Variants in GABARAPL1 observed in about 807,000 individuals in gnomAD.
GABARAPL1 encodes gamma-aminobutyric acid receptor-associated protein-like 1.
In GABARAPL1, 4 loss-of-function variants were observed where a neutral mutation model predicts 14.5. The observed-to-expected ratio is 0.28, with a 90% CI of 0.14 to 0.63. The LOEUF (loss-of-function observed/expected upper bound fraction) is 0.63. GABARAPL1 is among the 30% of genes least tolerant of loss of function. The pLI is 0.84. For missense variants in GABARAPL1, 82 were observed against 139.2 expected (o/e 0.59, Z 2.07); for synonymous variants, 47 against 50.6 (o/e 0.93, Z 0.30).
intron 1 of GABARAPL1, among the ~76,000 whole-genome samples, chr12:10,216,541 T>C (rs568540982): frequency 1.6e-4 from 23 of 146,842 alleles, no homozygotes; most frequent in Admixed American, 4.7e-4. Context: ...TCTTTTCTTT[T>C]TTTTTTTTTT....
rs1223382151 is a variant in GABARAPL1, at chr12:10,213,097, C to T, written c.-33C>T. 2.9e-6 allele frequency: 4 copies of T among 1,398,882 alleles called. No homozygotes were observed. In the African/African-American group the frequency reaches 4.2e-5, roughly 15 times the overall value. 86.7% of individuals were successfully genotyped at this position (1,398,882 alleles called of 1,614,324 possible). ...GGTCAGCGGCGAAGGAGGCAGGCCC[C>T]GCGCGGGGATCTCGGAAGCCCTGCG... On this transcript the variant is annotated 5_prime_UTR_variant, in exon 1 of 4. Coordinates refer to ENST00000266458, the MANE Select transcript of GABARAPL1 (RefSeq NM_031412.4).
intron 2 of GABARAPL1, among the ~76,000 whole-genome samples, chr12:10,220,014 G>C (rs184262678): frequency 6.6e-6 from 1 of 152,296 alleles, no homozygotes; most frequent in Admixed American, 6.5e-5. Context: ...ACTGTGCTAA[G>C]ATGACCAGAG....
intron 1 of GABARAPL1, among the ~76,000 whole-genome samples, chr12:10,215,391 A>T (rs1305715668): frequency 1.3e-5 from 2 of 152,222 alleles, no homozygotes; most frequent in East Asian, 3.8e-4. Flanking sequence ...AAGATACAAC[A>T]TATCAAAAAA....
In GABARAPL1 at chr12:10,221,271, T is replaced by C. The variant is rs78955749; in HGVS notation, c.289-516T>C. 4.9e-5 allele frequency: 48 copies of C among 971,978 alleles called. 2 individuals carry two copies. The East Asian group carries it at 2.7e-3, about 56-fold the overall frequency. 60.2% of individuals were successfully genotyped at this position (971,978 alleles called of 1,614,324 possible). On this transcript the variant is annotated intron_variant, in intron 3 of 3. Transcript: ENST00000266458. ...GAGGAATAATTTTTATGTGATGTGG[T>C]TTAATTGGAAGTGTCAGAATCTGAG...
In GABARAPL1 at chr12:10,221,908, T is replaced by C; in HGVS notation, c.*56T>C. 1 of 1,529,538 alleles carries C rather than the reference T, an allele frequency of 6.5e-7. No homozygotes were observed. 94.7% of individuals were successfully genotyped at this position (1,529,538 alleles called of 1,614,324 possible). A position where few individuals can be genotyped will look rare whatever the true frequency, so the allele number is the denominator to read the frequency against. ...TGGACTTGGGGGTAGGGGAGGGGTG[T>C]GTGTGCGCGACATGGGGAAAGAGGG... On this transcript the variant is annotated 3_prime_UTR_variant, in exon 4 of 4. Coordinates refer to ENST00000266458, the MANE Select transcript of GABARAPL1 (RefSeq NM_031412.4).
At chr12:10,217,076 G>C (rs1242318595) in intron 1 of GABARAPL1, among the ~76,000 whole-genome samples, 3 of 151,984 alleles carry the variant, frequency 2.0e-5, no homozygotes, top group Non-Finnish European at 4.4e-5. Context: ...TTTTCTGTTT[G>C]GGAAGTTTTA....
chr12:10,213,761 G>A (rs1003029695), intron 1 of GABARAPL1: 2 of 441,148 alleles, frequency 4.5e-6, no homozygotes, highest in African/African-American at 2.0e-5. Flanking sequence ...GGGGTTAGGG[G>A]AGCACAAGAC....
chr12:10,220,599 C>T, intron 3 of GABARAPL1, 41 bp downstream of exon 3: 1 of 1,613,520 alleles, frequency 6.2e-7, no homozygotes, highest in Non-Finnish European at 8.5e-7. Flanking sequence ...CCGTCCAGTG[C>T]AGTCTGGCAT....
chr12:10,221,763 C>G, intron 3 of GABARAPL1, 24 bp from the exon 4 acceptor site: 2 of 1,613,074 alleles, frequency 1.2e-6, no homozygotes, highest in Non-Finnish European at 1.7e-6. Context: ...GTTTTCTAAA[C>G]TGTTGTCTTA....
intron 1 of GABARAPL1, among the ~76,000 whole-genome samples, chr12:10,214,986 G>C (rs1949079957): frequency 6.6e-6 from 1 of 152,182 alleles, no homozygotes; most frequent in Non-Finnish European, 1.5e-5. Context: ...TAATTTTTAA[G>C]CCATTAAGCC....
intron 2 of GABARAPL1, 83 bp downstream of exon 2, chr12:10,218,224 G>T: frequency 1.2e-6 from 1 of 836,046 alleles, no homozygotes; most frequent in South Asian, 1.3e-5. Flanking sequence ...TTGTGAGATT[G>T]AGAGGCAGTA....
chr12:10,213,398 TA>T, intron 1 of GABARAPL1, 179 bp downstream of exon 1: 1 of 676,522 alleles, frequency 1.5e-6, no homozygotes. Flanking sequence ...GTAGAGCTTT[TA>T]AAACCCCGTA....
intron 3 of GABARAPL1, 47 bp from the exon 4 acceptor site, chr12:10,221,740 A>G: frequency 6.2e-7 from 1 of 1,601,724 alleles, no homozygotes; most frequent in Non-Finnish European, 8.5e-7. Flanking sequence ...TCTTAGAGCT[A>G]ATGAATGAAT....
intron 2 of GABARAPL1, among the ~76,000 whole-genome samples, chr12:10,218,588 C>G (rs571882309): frequency 6.6e-6 from 1 of 152,080 alleles, no homozygotes; most frequent in East Asian, 1.9e-4. Context: ...CAAGAAGACT[C>G]AATAGTTCTT....
chr12:10,214,843 A>C (rs1236736206), intron 1 of GABARAPL1: 1 of 152,250 alleles, frequency 6.6e-6, no homozygotes, highest in Non-Finnish European at 1.5e-5. Flanking sequence ...ACCAGAATTA[A>C]TGACGTGCTG....
intron 3 of GABARAPL1, 159 bp downstream of exon 3, chr12:10,220,717 T>C: frequency 6.5e-7 from 1 of 1,533,216 alleles, no homozygotes; most frequent in Non-Finnish European, 8.8e-7. Context: ...TCTGAGAGAT[T>C]AGATACCTCT....
In GABARAPL1 at chr12:10,218,638, C is replaced by G. The variant is rs986435890; in HGVS notation, c.169+497C>G. ...CTTGTTGGATTTTGACACAGCAAAG[C>G]ATAAGACATTGAAAGAAAGGATCAG... On this transcript the variant is annotated intron_variant, in intron 2 of 3. Coordinates refer to ENST00000266458, the MANE Select transcript of GABARAPL1 (RefSeq NM_031412.4). Among the ~76,000 whole-genome samples the G allele has an allele frequency of 2.6e-4, 40 of 152,046 alleles. 1 individual carries two copies. The highest frequency in any genetic ancestry group is 5.9e-5 in the Non-Finnish European group (4 of 68,020).
At chr12:10,220,805 G>A (rs978482747) in intron 3 of GABARAPL1, 107 of 1,449,986 alleles carry the variant, frequency 7.4e-5, no homozygotes, top group Non-Finnish European at 9.3e-5. Flanking sequence ...TCTGACTATA[G>A]TGTTTTAATG....
intron 1 of GABARAPL1, among the ~76,000 whole-genome samples, chr12:10,217,032 C>A (rs115023303): frequency 9.2e-5 from 14 of 151,832 alleles, no homozygotes; most frequent in African/African-American, 3.4e-4. Flanking sequence ...TCCTAACAAT[C>A]GAAAGCCTAA....
Sources: allele counts gnomAD v4.1 joint callset (sites outside exome capture counted in the v4.1 genomes callset), GRCh38; gene constraint gnomAD v4.1.1; transcripts MANE v1.5; gene names NCBI Gene and HGNC (gene_info 2026-07-23, HGNC 2026-07-21).